The following FBXL22 variants were observed in gnomAD, a reference collection of about 807,000 sequenced individuals.
FBXL22 encodes F-box and leucine rich repeat protein 22.
FBXL22 carries 13 observed loss-of-function variants against 11.7 expected under a neutral mutation model. The observed-to-expected ratio is 1.11, with a 90% CI of 0.73 to 1.77. FBXL22 has a LOEUF of 1.77. FBXL22 is among the 40% of genes most tolerant of loss of function. The pLI is 0.00. For missense variants in FBXL22, 406 were observed against 320.4 expected, an observed-to-expected ratio of 1.27 and a Z score of -2.04; for synonymous variants, 160 against 144.1, an observed-to-expected ratio of 1.11 and a Z score of -0.79.
chr15:63,602,585 C>CAA (rs35457809), downstream of FBXL22, among the ~76,000 whole-genome samples: 286 of 74,450 alleles, frequency 3.8e-3, 8 homozygotes, highest in African/African-American at 8.1e-3. Context: ...ACTCTTGTCT[C>CAA]AAAAAAAAAA....
intron 1 of FBXL22, chr15:63,599,347 C>A (rs974593704): frequency 8.2e-5 from 118 of 1,442,886 alleles, no homozygotes; most frequent in Admixed American, 4.2e-4. Flanking sequence ...AAAAGATCAC[C>A]CAACACCTTT....
At position 63,600,969 on chromosome 15, in the gene FBXL22, C is replaced by T. The variant is rs2067361491; in HGVS notation, c.626C>T (p.Ala209Val). 6.7e-6 allele frequency: 8 copies of T among 1,192,850 alleles called. No homozygotes were observed. Among genetic ancestry groups the T allele is most frequent in the South Asian group, 4.2e-5 (1 of 24,076 alleles). 73.9% of individuals were successfully genotyped at this position (1,192,850 alleles called of 1,614,324 possible). Residue 209 changes from alanine (A) to valine (V), a missense_variant, in exon 2 of 2, where the codon GCC becomes GTC. Coordinates refer to ENST00000638704, the MANE Select transcript of FBXL22 (RefSeq NM_001367807.1). Reference protein sequence around the residue: ...RLALRAEHSAAMLPDQPPRPR... With the variant: ...RLALRAEHSAVMLPDQPPRPR... ...GCCCTGCGGGCAGAGCACAGCGCCG[C>T]CATGCTGCCCGACCAGCCCCCGCGC...
rs930229504 is a variant in FBXL22 at position 63,597,473 on chromosome 15, C to T, written c.81C>T (p.Asp27=). The T allele has an allele frequency of 5.0e-6, 8 of 1,613,992 alleles. No individual in the cohort carries two copies. The Admixed American group carries it at 5.0e-5, about 10-fold the overall frequency. Reference sequence around the variant, plus strand: ...ACCTCTTCTCCTTCCTAGACAAGGACAGCAGGAAGAGCCTTGCCAGGACCT... The same window carrying T: ...ACCTCTTCTCCTTCCTAGACAAGGATAGCAGGAAGAGCCTTGCCAGGACCT... ...LLHLFSFLDK[D]SRKSLARTCS... is the part of the protein sequence containing the mutation. Residue 27 remains aspartate, a synonymous_variant, in exon 1 of 2, where the codon GAC becomes GAT. Transcript: ENST00000638704. The surrounding 1 kb of genome is among the most constrained non-coding windows in gnomAD (Gnocchi z 4.3).
At chr15:63,599,330 T>G (rs529870230) in intron 1 of FBXL22, 195 of 1,452,300 alleles carry the variant, frequency 1.3e-4, no homozygotes, top group African/African-American at 1.2e-3. Context: ...CCAAAGATTC[T>G]TAGAAGAAAA....
downstream of FBXL22, chr15:63,601,468 A>G (rs967580240): frequency 1.9e-6 from 3 of 1,564,510 alleles, no homozygotes; most frequent in Non-Finnish European, 2.6e-6. Context: ...GGGTCTGGGG[A>G]GCCTCCGGGC....
downstream of FBXL22, among the ~76,000 whole-genome samples, chr15:63,604,858 C>T (rs530012657): frequency 2.0e-5 from 3 of 152,112 alleles, no homozygotes; most frequent in Non-Finnish European, 2.9e-5. Flanking sequence ...AGTTCAAGAC[C>T]GGCCTGATCA....
chr15:63,600,748 C>A lies in FBXL22; in HGVS notation c.405C>A (p.Asp135Glu). 1 of 1,231,530 alleles carries A rather than the reference C, an allele frequency of 8.1e-7. No homozygotes were observed. The allele number at this position is 1,231,530 out of a possible 1,614,324, so 76.3% of individuals were successfully genotyped here. ...VTLSGCGHVTDDCLARLLRCC... is the reference protein window; with the variant it reads ...VTLSGCGHVTEDCLARLLRCC... The stretch of plus-strand genomic sequence containing the variant: ...TCTCGGGCTGCGGCCACGTTACCGA[C>A]GACTGCCTGGCGCGCCTGCTGCGCT... Residue 135 changes from aspartate (D) to glutamate (E), a missense_variant, in exon 2 of 2, where the codon GAC becomes GAA. Coordinates refer to ENST00000638704, the MANE Select transcript of FBXL22 (RefSeq NM_001367807.1).
downstream of FBXL22, among the ~76,000 whole-genome samples, chr15:63,603,107 G>A (rs551545031): frequency 1.3e-5 from 2 of 152,182 alleles, no homozygotes; most frequent in South Asian, 2.1e-4. Flanking sequence ...AAGTTTCAGT[G>A]GCTAATCTTG....
chr15:63,599,069 C>T (rs2067321195), intron 1 of FBXL22: 1 of 863,042 alleles, frequency 1.2e-6, no homozygotes, highest in Admixed American at 2.1e-5. Context: ...CTCGTCCAAC[C>T]ATGTGACCCC....
At chr15:63,603,463 C>A (rs1024190313), downstream of FBXL22, among the ~76,000 whole-genome samples, 4 of 152,100 alleles carry the variant, frequency 2.6e-5, no homozygotes, top group Non-Finnish European at 5.9e-5. Flanking sequence ...GCATCTGCAC[C>A]TGCTTTGTTT....
In FBXL22 at chr15:63,597,702, C is replaced by A; in HGVS notation, c.310C>A (p.His104Asn). The stretch of plus-strand genomic sequence containing the variant: ...CTTCCAGAGAAGCATCTGCAGCCGG[C>A]ACGAGAGCCTGGTCAATGATTTCCT... ...SAFQRSICSRHESLVNDFLLR... is the reference protein window; with the variant it reads ...SAFQRSICSRNESLVNDFLLR... Residue 104 changes from histidine (H) to asparagine (N), a missense_variant, in exon 1 of 2, where the codon CAC (histidine) becomes AAC (asparagine). His to Asn is a moderately conservative substitution (Grantham distance 68). Transcript: ENST00000638704. The surrounding 1 kb of genome is among the most constrained non-coding windows in gnomAD (Gnocchi z 4.3). 2 of 1,598,010 alleles carry A rather than the reference C, an allele frequency of 1.3e-6. No individual in the cohort carries two copies. Among genetic ancestry groups the A allele is most frequent in the Non-Finnish European group, 1.7e-6 (2 of 1,169,034 alleles).
At chr15:63,601,463 T>G, downstream of FBXL22, 1 of 1,571,584 alleles carries the variant, frequency 6.4e-7, no homozygotes, top group South Asian at 1.1e-5. Context: ...CGCAGGGGTC[T>G]GGGGAGCCTC....
chr15:63,599,896 T>A, intron 1 of FBXL22: 1 of 985,604 alleles, frequency 1.0e-6, no homozygotes, highest in Non-Finnish European at 1.2e-6. Flanking sequence ...TGGTAGACAT[T>A]ATTCCCCCCA....
At chr15:63,607,267 G>A (rs1055906718), downstream of FBXL22, among the ~76,000 whole-genome samples, 9 of 152,064 alleles carry the variant, frequency 5.9e-5, no homozygotes, top group African/African-American at 1.9e-4. Context: ...GGATGGTCTC[G>A]ATCTCCTGAC....
chr15:63,608,111 T>C, the FBXL22 span, among the ~76,000 whole-genome samples: 1 of 152,244 alleles, frequency 6.6e-6, no homozygotes, highest in Non-Finnish European at 1.5e-5. Context: ...CTGCTAGCAG[T>C]TGCTGGCCTT....
downstream of FBXL22, among the ~76,000 whole-genome samples, chr15:63,607,072 T>C (rs1595800370): frequency 6.6e-6 from 1 of 150,416 alleles, no homozygotes; most frequent in Non-Finnish European, 1.5e-5. Flanking sequence ...TTTTTTTTTT[T>C]TCTCACTCTG....
chr15:63,601,570 G>A, downstream of FBXL22: 2 of 1,537,602 alleles, frequency 1.3e-6, no homozygotes, highest in Non-Finnish European at 1.8e-6. Context: ...GAAGCAGGAG[G>A]AGGGGAAGCA....
downstream of FBXL22, among the ~76,000 whole-genome samples, chr15:63,605,821 G>A (rs914253353): frequency 9.9e-5 from 15 of 152,204 alleles, no homozygotes; most frequent in Admixed American, 2.0e-4. Flanking sequence ...TCACCACTGG[G>A]GCAGGACACT....
downstream of FBXL22, among the ~76,000 whole-genome samples, chr15:63,604,447 G>A (rs1401643133): frequency 6.6e-6 from 1 of 152,160 alleles, no homozygotes; most frequent in African/African-American, 2.4e-5. Context: ...GCTGGCAGCT[G>A]TGTCCAGTGC....
Sources: allele counts gnomAD v4.1 joint callset (sites outside exome capture counted in the v4.1 genomes callset), GRCh38; gene constraint gnomAD v4.1.1; non-coding constraint Gnocchi (gnomAD v3.1); transcripts MANE v1.5; gene names NCBI Gene and HGNC (gene_info 2026-07-23, HGNC 2026-07-21).